Variants in SVIL observed in about 807,000 individuals in gnomAD.
SVIL encodes the protein supervillin, also known as archvillin.
SVIL carries 101 observed loss-of-function variants against 240.4 expected under a neutral mutation model. The observed-to-expected ratio is 0.42, with a 90% CI of 0.36 to 0.50. The LOEUF is 0.50. Among genes scored for constraint, SVIL ranks in the 20% least tolerant of loss-of-function variants. The probability of loss-of-function intolerance (pLI) is 0.01; values close to 1 mark genes in which losing one functional copy is unlikely to be tolerated. For missense variants in SVIL, 2,512 were observed against 2,818.7 expected (o/e 0.89, Z 2.46); for synonymous variants, 999 against 1,100.0 (o/e 0.91, Z 1.82).
chr10:29,527,724 C>CT (rs1213694531), intron 12 of SVIL, among the ~76,000 whole-genome samples: 7,679 of 99,888 alleles, frequency 0.077, 645 homozygotes, highest in Non-Finnish European at 0.1. Context: ...TGGGCCCAGC[C>CT]TTTTTTTTTT....
chr10:29,539,165 T>TAATAAATAAATAAATAAATA (rs71020796), intron 6 of SVIL, among the ~76,000 whole-genome samples: 3 of 149,194 alleles, frequency 2.0e-5, no homozygotes, highest in South Asian at 2.1e-4. Flanking sequence ...ACTCGGCCTC[T>TAATAAATAAATAAATAAATA]AATAAATAAA....
intron 1 of SVIL, among the ~76,000 whole-genome samples, chr10:29,708,883 C>A (rs1963088782): frequency 6.6e-6 from 1 of 151,636 alleles, no homozygotes; most frequent in Admixed American, 6.6e-5. Context: ...TCAACAACAA[C>A]AAAAAAATCA....
intron 6 of SVIL, among the ~76,000 whole-genome samples, chr10:29,549,258 AAC>A (rs1166651909): frequency 6.8e-6 from 1 of 146,136 alleles, no homozygotes; most frequent in East Asian, 2.0e-4. Context: ...GCAGCCAAAA[AAC>A]ACATGAAAAA....
intron 3 of SVIL, among the ~76,000 whole-genome samples, chr10:29,642,681 C>T (rs1239874084): frequency 4.0e-5 from 6 of 151,826 alleles, no homozygotes; most frequent in Admixed American, 3.9e-4. Flanking sequence ...AGTTAGATCT[C>T]TTCTCTCTCT....
chr10:29,480,765 A>T lies in SVIL; in HGVS notation c.5149T>A (p.Ser1717Thr). 1.2e-6 allele frequency: 2 copies of T among 1,613,722 alleles called. No individual in the cohort carries two copies. The highest frequency in any genetic ancestry group is 1.7e-6 in the Non-Finnish European group (2 of 1,179,944). Residue 1717 changes from serine to threonine, a missense_variant, in exon 29 of 38, where the codon TCC (serine) becomes ACC (threonine). By Grantham distance (58) the Ser-to-Thr change is moderately conservative. Coordinates refer to ENST00000355867, the MANE Select transcript of SVIL (RefSeq NM_021738.3). ...VKAYDVTRMV[S>T]MPQTTAGTIL... ...GTGCCTGCTGTCGTCTGGGGCATGG[A>T]CACCATCCGTGTCACATCGTATGCC...
chr10:29,714,260 C>G (rs1337953188), intron 1 of SVIL, among the ~76,000 whole-genome samples: 4 of 152,116 alleles, frequency 2.6e-5, no homozygotes, highest in Admixed American at 2.6e-4. Context: ...ATCTCCATCC[C>G]GAGGGATTTT....
At chr10:29,690,267 G>T (rs1164672647) in intron 1 of SVIL, among the ~76,000 whole-genome samples, 1 of 152,076 alleles carries the variant, frequency 6.6e-6, no homozygotes, top group African/African-American at 2.4e-5. Context: ...CCTAAATTTT[G>T]ATAAATGTAT....
intron 35 of SVIL, 25 bp from the exon 36 acceptor site, chr10:29,462,426 C>T (rs1433772619): frequency 1.2e-6 from 2 of 1,611,460 alleles, no homozygotes; most frequent in Non-Finnish European, 1.7e-6. Context: ...ATTGCAATGT[C>T]AGTAGACCCC....
chr10:29,600,073 C>T (rs1046605345), intron 1 of SVIL, among the ~76,000 whole-genome samples: 5 of 151,856 alleles, frequency 3.3e-5, no homozygotes, highest in African/African-American at 1.2e-4. Context: ...TAGGGTCTCA[C>T]TCTGTTGCCC....
intron 2 of SVIL, among the ~76,000 whole-genome samples, chr10:29,563,950 A>T (rs1441616534): frequency 6.7e-6 from 1 of 149,640 alleles, no homozygotes; most frequent in East Asian, 2.0e-4. Flanking sequence ...TTATCTCCCC[A>T]TGTATCCCCC....
At chr10:29,512,630 C>A (rs1282142266) in intron 17 of SVIL, 105 bp downstream of exon 17, 16 of 1,595,768 alleles carry the variant, frequency 1.0e-5, no homozygotes, top group African/African-American at 1.3e-5. Context: ...CAAAAATGCA[C>A]AAATGCTTCA....
chr10:29,735,254 G>C lies in SVIL; in HGVS notation c.-400+497C>G, dbSNP rs1362951335. ...CGGAGGCGCCGGTCTGGGACCCCGG[G>C]CTGGGGCGCGGGAGCCACCGCAGCT... On this transcript the variant is annotated intron_variant, in intron 1 of 35. Coordinates refer to the SVIL transcript ENST00000375400. The surrounding 1 kb of genome is among the most constrained non-coding windows in gnomAD (Gnocchi z 4.1). Among the ~76,000 whole-genome samples the C allele has an allele frequency of 6.6e-6, 1 of 152,190 alleles. No individual in the cohort carries two copies. The highest frequency in any genetic ancestry group is 2.4e-5 in the African/African-American group (1 of 41,542).
At chr10:29,524,059 G>A in intron 14 of SVIL, 32 bp from the exon 15 acceptor site, 1 of 1,553,672 alleles carries the variant, frequency 6.4e-7, no homozygotes, top group Non-Finnish European at 8.7e-7. Flanking sequence ...TTAAAAAGCT[G>A]CTTGAAAAAT....
chr10:29,627,182 T>C (rs1349025841), intron 1 of SVIL, among the ~76,000 whole-genome samples: 1 of 151,856 alleles, frequency 6.6e-6, no homozygotes. Flanking sequence ...AAAGATCTTC[T>C]TTCTCAACAC....
At chr10:29,559,460 TAAG>T (rs1335079212) in intron 3 of SVIL, among the ~76,000 whole-genome samples, 1 of 152,198 alleles carries the variant, frequency 6.6e-6, no homozygotes, top group African/African-American at 2.4e-5. Context: ...CAAAAAAGAA[TAAG>T]AATGCTTTTC....
chr10:29,653,263 G>A (rs1049684228), intron 3 of SVIL, among the ~76,000 whole-genome samples: 10 of 152,146 alleles, frequency 6.6e-5, no homozygotes, highest in African/African-American at 2.4e-4. Context: ...GTGATGGTGA[G>A]TTCTCATGAG....
intron 1 of SVIL, among the ~76,000 whole-genome samples, chr10:29,692,038 C>G (rs1425574136): frequency 6.6e-6 from 1 of 152,210 alleles, no homozygotes; most frequent in Non-Finnish European, 1.5e-5. Context: ...GCTCACTCAG[C>G]TAAGACACTG....
At chr10:29,692,674 A>G (rs777389449) in intron 1 of SVIL, among the ~76,000 whole-genome samples, 1 of 151,108 alleles carries the variant, frequency 6.6e-6, no homozygotes, top group Non-Finnish European at 1.5e-5. Flanking sequence ...TTTTTTTAAT[A>G]TAAGGGCAAG....
Position 29,640,293 on chromosome 10 carries a change from C to T in SVIL, c.-201+17676G>A, listed in dbSNP as rs568777657. Among the ~76,000 whole-genome samples the T allele has an allele frequency of 5.9e-5, 9 of 152,240 alleles. No homozygotes were observed. In the East Asian group the frequency reaches 1.7e-3, roughly 29 times the overall value. ...GTATCTGGCACTTTCTGACCACTTC[C>T]GCCTCCATGGAATGTCCTCTTCGTA... On this transcript the variant is annotated intron_variant, in intron 3 of 35. Transcript: ENST00000375400.
Sources: gnomAD v4.1 joint callset for allele counts (sites outside exome capture counted in the v4.1 genomes callset) on GRCh38, gnomAD v4.1.1 for gene constraint, Gnocchi (gnomAD v3.1) non-coding constraint, MANE v1.5 for transcripts, NCBI Gene and HGNC (gene_info 2026-07-23, HGNC 2026-07-21) for gene names.